Variants in BCAN observed in about 807,000 individuals in gnomAD.
BCAN encodes the protein brevican.
BCAN carries 51 observed loss-of-function variants against 92.4 expected under a neutral mutation model. The observed-to-expected ratio is 0.55, with a 90% CI of 0.44 to 0.70. The LOEUF (loss-of-function observed/expected upper bound fraction) is 0.70, where lower values mean the gene tolerates loss of function less well. Ranked by LOEUF, BCAN falls within the 30% of genes least tolerant of loss-of-function variation. BCAN has a pLI of 0.00. For missense variants in BCAN, 1,140 were observed against 1,212.1 expected, an observed-to-expected ratio of 0.94 and a Z score of 0.88; for synonymous variants, 501 against 505.2, an observed-to-expected ratio of 0.99 and a Z score of 0.11.
intron 10 of BCAN, chr1:156,657,345 G>T: frequency 1.7e-6 from 1 of 597,130 alleles, no homozygotes; most frequent in East Asian, 3.0e-5. Flanking sequence ...GGGCCGCCGT[G>T]CAGGGGGCCG....
intron 1 of BCAN, among the ~76,000 whole-genome samples, chr1:156,645,177 C>CA (rs1678920306): frequency 1.3e-5 from 2 of 152,164 alleles, no homozygotes; most frequent in South Asian, 2.1e-4. Flanking sequence ...TATTCTCCCC[C>CA]CCCTTAGTCC....
Position 156,652,118 on chromosome 1 carries a change from C to T in BCAN, c.1298-130C>T, listed in dbSNP as rs537054792. ...CCAGTGTGGCGCAAGGACCACCTGTCCTCAGGGCGGTCTCTTCCCTATTCC... is the reference window on the plus strand; with the variant it reads ...CCAGTGTGGCGCAAGGACCACCTGTTCTCAGGGCGGTCTCTTCCCTATTCC... On this transcript the variant is annotated intron_variant, in intron 7 of 13. Transcript: ENST00000329117. The T allele has an allele frequency of 3.2e-6, 4 of 1,254,506 alleles. No homozygotes were observed. In the African/African-American group the frequency reaches 4.5e-5, roughly 14 times the overall value. The allele number at this position is 1,254,506 out of a possible 1,614,324, so 77.7% of individuals were successfully genotyped here.
intron 2 of BCAN, chr1:156,646,455 T>G (rs1243886350): frequency 2.0e-6 from 1 of 490,932 alleles, no homozygotes; most frequent in African/African-American, 1.9e-5. Context: ...GGGAGCAGAC[T>G]GGGAAACTGG....
chr1:156,652,902 C>T lies in BCAN; in HGVS notation c.1942+10C>T. 6.2e-7 allele frequency: 1 copy of T among 1,613,146 alleles called. No homozygotes were observed. Among genetic ancestry groups the T allele is most frequent in the Non-Finnish European group, 8.5e-7 (1 of 1,179,832 alleles). On this transcript the variant is annotated intron_variant, in intron 8 of 13. Transcript: ENST00000329117. Reference sequence around the variant, plus strand: ...GTGGTCCCCGCATCAGGTAATTCTGCCCAAGGCTCAACTGCCCTCTCTATC... The same window carrying T: ...GTGGTCCCCGCATCAGGTAATTCTGTCCAAGGCTCAACTGCCCTCTCTATC...
intron 6 of BCAN, 135 bp downstream of exon 6, chr1:156,648,996 C>A: frequency 1.9e-6 from 2 of 1,078,064 alleles, no homozygotes; most frequent in South Asian, 2.1e-5. Flanking sequence ...TGAAGTCCAG[C>A]TTGTCATCTA....
rs1341842120 is a variant in BCAN, at chr1:156,642,209, C to T, written c.-75C>T. 1 of 152,292 alleles carries T rather than the reference C, an allele frequency of 6.6e-6. No individual in the cohort carries two copies. Among genetic ancestry groups the T allele is most frequent in the East Asian group, 1.9e-4 (1 of 5,186 alleles). 9.4% of individuals were successfully genotyped at this position (152,292 alleles called of 1,614,324 possible). A position where few individuals can be genotyped will look rare whatever the true frequency, so the allele number is the denominator to read the frequency against. On this transcript the variant is annotated 5_prime_UTR_variant, in exon 1 of 14. Transcript: ENST00000329117. The surrounding 1 kb of genome is among the most constrained non-coding windows in gnomAD (Gnocchi z 4.2). Reference sequence around the variant, plus strand: ...GCAGCTGCAGGACTGAGCCGTGCACCCGGAGGAGACCCCCGGAGGAGGCGA... The same window carrying T: ...GCAGCTGCAGGACTGAGCCGTGCACTCGGAGGAGACCCCCGGAGGAGGCGA...
chr1:156,653,609 C>T (rs1343548094), intron 8 of BCAN: 5 of 932,542 alleles, frequency 5.4e-6, no homozygotes, highest in Non-Finnish European at 6.4e-6. Flanking sequence ...GCCTCTCTTC[C>T]TTTTTCATTT....
chr1:156,647,970 C>T lies in BCAN; in HGVS notation c.642-13C>T. 1 of 1,612,084 alleles carries T rather than the reference C, an allele frequency of 6.2e-7. No individual in the cohort carries two copies. Among genetic ancestry groups the T allele is most frequent in the Non-Finnish European group, 8.5e-7 (1 of 1,178,368 alleles). On this transcript the variant is annotated splice_polypyrimidine_tract_variant and intron_variant, in intron 4 of 13. Transcript: ENST00000329117. This position sits in a 1 kb window ranked among gnomAD's most constrained non-coding sequence, Gnocchi z 4.8. ...AAGCATCTGTACTAAGTGATTCTGT[C>T]CTTCCTCCCTAGGTATCCCATCCAG...
chr1:156,652,361 G>A lies in BCAN; in HGVS notation c.1411G>A (p.Glu471Lys), dbSNP rs371198979. Residue 471 changes from glutamate (E) to lysine (K), a missense_variant, in exon 8 of 14, where the codon GAG (glutamate) becomes AAG (lysine). Around this residue, in one of 3 missense-constraint regions of BCAN, gnomAD observed 825 missense variants for 871.8 expected, o/e 0.95. Coordinates refer to ENST00000329117, the MANE Select transcript of BCAN (RefSeq NM_021948.5). ...DEEEKEEEEE[E>K]EEVEDEALWA... The stretch of plus-strand genomic sequence containing the variant: ...AGAAGAGAAAGAGGAGGAAGAAGAA[G>A]AGGAGGAGGTGGAGGATGAGGCTCT... 6.2e-7 allele frequency: 1 copy of A among 1,613,514 alleles called. No homozygotes were observed. The highest frequency in any genetic ancestry group is 8.5e-7 in the Non-Finnish European group (1 of 1,179,650).
At chr1:156,650,831 T>A (rs1679137638) in intron 6 of BCAN, among the ~76,000 whole-genome samples, 1 of 152,188 alleles carries the variant, frequency 6.6e-6, no homozygotes, top group Non-Finnish European at 1.5e-5. Flanking sequence ...TAGTCCCAGC[T>A]ACTTGGGAGG....
At position 156,651,479 on chromosome 1, in the gene BCAN, C is replaced by A; in HGVS notation, c.1087C>A (p.Pro363Thr). Residue 363 changes from proline to threonine, a missense_variant, in exon 7 of 14, where the codon CCT (proline) becomes ACT (threonine). This residue lies in a region of BCAN where 825 missense variants were observed against 871.8 expected (regional missense o/e 0.95). Transcript: ENST00000329117. ...AGACTCGGCCCAGCCTTCTGCCATC[C>A]CTGAGGCCTCCAACCCAGCCTCCAA... ...FRDSAQPSAI[P>T]EASNPASNPA... 1 of 1,613,972 alleles carries A rather than the reference C, an allele frequency of 6.2e-7. No individual in the cohort carries two copies. Among genetic ancestry groups the A allele is most frequent in the Non-Finnish European group, 8.5e-7 (1 of 1,180,014 alleles).
At chr1:156,657,538 G>A in intron 10 of BCAN, 137 bp from the exon 11 acceptor site, 1 of 650,826 alleles carries the variant, frequency 1.5e-6, no homozygotes, top group Non-Finnish European at 2.6e-6. Flanking sequence ...GCAGAGGCTG[G>A]GGTAGAAGAA....
At chr1:156,645,818 G>T (rs1000734600) in intron 1 of BCAN, among the ~76,000 whole-genome samples, 2 of 152,218 alleles carry the variant, frequency 1.3e-5, no homozygotes, top group Non-Finnish European at 2.9e-5. Flanking sequence ...AGAAGGTAAG[G>T]AGCTTGGCTT....
rs1424045011 is a variant in BCAN at position 156,659,481 on chromosome 1, G to A, written c.*347G>A. ...CAAGGGAATGGGCTTGCAGGATGGA[G>A]TGTCTGTAAAATCAACAGGAAATAA... On this transcript the variant is annotated 3_prime_UTR_variant, in exon 14 of 14. Coordinates refer to ENST00000329117, the MANE Select transcript of BCAN (RefSeq NM_021948.5). 6 of 275,736 alleles carry A rather than the reference G, an allele frequency of 2.2e-5. No individual in the cohort carries two copies. Among genetic ancestry groups the A allele is most frequent in the Non-Finnish European group, 4.0e-5 (6 of 148,942 alleles). The allele number at this position is 275,736 out of a possible 1,614,324, so 17.1% of individuals were successfully genotyped here. A position where few individuals can be genotyped will look rare whatever the true frequency, so the allele number is the denominator to read the frequency against.
At chr1:156,645,950 CAGGAT>C in intron 1 of BCAN, 92 bp from the exon 2 acceptor site, 1 of 984,272 alleles carries the variant, frequency 1.0e-6, no homozygotes, top group Non-Finnish European at 1.5e-6. Context: ...CTTCTGGAGC[CAGGAT>C]ATGTGTGAAC....
Position 156,646,091 on chromosome 1 carries a change from G to T in BCAN, c.37G>T (p.Val13Phe). ...QLFLPLLAAL[V>F]LAQAPAALAD... ...GTTCCTGCCCCTGCTGGCAGCCCTG[G>T]TCCTGGCCCAGGCTCCTGCAGCTTT... Residue 13 changes from valine (V) to phenylalanine (F), a missense_variant, in exon 2 of 14, where the codon GTC becomes TTC. By Grantham distance (50) the Val-to-Phe change is conservative. Coordinates refer to ENST00000329117, the MANE Select transcript of BCAN (RefSeq NM_021948.5). The T allele has an allele frequency of 6.2e-7, 1 of 1,613,884 alleles. No individual in the cohort carries two copies. Among genetic ancestry groups the T allele is most frequent in the Non-Finnish European group, 8.5e-7 (1 of 1,179,802 alleles).
intron 2 of BCAN, 71 bp downstream of exon 2, chr1:156,646,216 G>C: frequency 6.9e-7 from 1 of 1,455,526 alleles, no homozygotes; most frequent in African/African-American, 1.4e-5. Context: ...AGGCTTAGGG[G>C]CCCCAGGAAG....
In BCAN at chr1:156,652,877, G is replaced by A. The variant is rs148943492; in HGVS notation, c.1927G>A (p.Val643Met). Residue 643 changes from valine (V) to methionine (M), a missense_variant, in exon 8 of 14, where the codon GTG becomes ATG. This residue lies in a region of BCAN where 825 missense variants were observed against 871.8 expected (regional missense o/e 0.95). Transcript: ENST00000329117. ...CAGCGCCAGCCGAGGTGGAGTGGCC[G>A]TGGTCCCCGCATCAGGTAATTCTGC... ...TDSASRGGVA[V>M]VPASGDCVPS... The A allele has an allele frequency of 1.7e-5, 28 of 1,613,656 alleles. No homozygotes were observed. Among genetic ancestry groups the A allele is most frequent in the Middle Eastern group, 3.3e-4 (2 of 6,060 alleles).
chr1:156,656,208 C>T, intron 8 of BCAN, 74 bp from the exon 9 acceptor site: 1 of 1,079,230 alleles, frequency 9.3e-7, no homozygotes, highest in Non-Finnish European at 1.3e-6. Flanking sequence ...ACCCTCTGCA[C>T]CCTCTCCTGG....
Sources: gnomAD v4.1 joint callset for allele counts (sites outside exome capture counted in the v4.1 genomes callset) on GRCh38, gnomAD v4.1.1 for gene constraint, gnomAD v4.1.1 regional missense constraint, Gnocchi (gnomAD v3.1) non-coding constraint, MANE v1.5 for transcripts, NCBI Gene and HGNC (gene_info 2026-07-23, HGNC 2026-07-21) for gene names.